PUS1: variants seen among roughly 807,000 people sequenced by gnomAD.
The protein encoded by PUS1 is pseudouridylate synthase 1 homolog.
A neutral mutation model predicts 38.5 loss-of-function variants in PUS1; 25 were observed. The observed-to-expected ratio is 0.65, with a 90% CI of 0.47 to 0.91. The LOEUF is 0.91. PUS1 is among the 40% of genes least tolerant of loss of function. PUS1 has a pLI of 0.00. For synonymous variants in PUS1, 282 were observed against 260.4 expected (o/e 1.08, Z -0.80); for missense variants, 597 against 612.3 (o/e 0.97, Z 0.26).
In PUS1 at chr12:131,929,755, C is replaced by T. The variant is rs1466911864; in HGVS notation, c.33C>T (p.Ala11=). The change falls in exon 1 of 6, where the codon GCC becomes GCT. Residue 11 remains alanine (A), a synonymous_variant. Transcript: ENST00000376649. The part of the protein sequence containing the change: MGLQLRALLG[A]FGRWTLRLGP... ...TCCAGCTTCGCGCGCTGTTGGGAGC[C>T]TTCGGACGGTGGACCCTGCGCCTGG... 3 of 1,592,782 alleles carry T rather than the reference C, an allele frequency of 1.9e-6. No homozygotes were observed. The highest frequency in any genetic ancestry group is 1.7e-6 in the Non-Finnish European group (2 of 1,176,910).
At position 131,941,575 on chromosome 12, in the gene PUS1, C is replaced by T. The variant is rs1891070627; in HGVS notation, c.828C>T (p.Gly276=). The T allele has an allele frequency of 6.2e-7, 1 of 1,614,050 alleles. No individual in the cohort carries two copies. The highest frequency in any genetic ancestry group is 2.2e-5 in the East Asian group (1 of 44,896). ...MYCEEPFVRE[G]LEFAVIRVKG... The stretch of plus-strand genomic sequence containing the variant: ...GCGAGGAACCCTTTGTGCGGGAGGG[C>T]CTGGAGTTTGCGGTGATCAGGGTGA... The change falls in exon 5 of 6, where the codon GGC becomes GGT. Residue 276 remains glycine (G), a synonymous_variant. Coordinates refer to ENST00000376649, the MANE Select transcript of PUS1 (RefSeq NM_025215.6). The surrounding 1 kb of genome is among the most constrained non-coding windows in gnomAD (Gnocchi z 4.4).
intron 3 of PUS1, among the ~76,000 whole-genome samples, chr12:131,934,011 C>T (rs1890720859): frequency 6.6e-6 from 1 of 152,184 alleles, no homozygotes; most frequent in Non-Finnish European, 1.5e-5. Flanking sequence ...GGACAGGGGT[C>T]CTTTCCCTTT....
chr12:131,929,830 C>T, intron 1 of PUS1, 34 bp downstream of exon 1: 1 of 935,620 alleles, frequency 1.1e-6, no homozygotes, highest in Non-Finnish European at 1.5e-6. Flanking sequence ...CCCCGCTATG[C>T]CCGCCCAGCC....
chr12:131,929,893 G>T lies in PUS1; in HGVS notation c.75-14G>T. The T allele has an allele frequency of 7.3e-6, 9 of 1,240,350 alleles. No individual in the cohort carries two copies. The highest frequency in any genetic ancestry group is 7.0e-5 in the East Asian group (1 of 14,210). 76.8% of individuals were successfully genotyped at this position (1,240,350 alleles called of 1,614,324 possible). A position where few individuals can be genotyped will look rare whatever the true frequency, so the allele number is the denominator to read the frequency against. On this transcript the variant is annotated splice_polypyrimidine_tract_variant and intron_variant, in intron 1 of 5. Coordinates refer to ENST00000376649, the MANE Select transcript of PUS1 (RefSeq NM_025215.6). The stretch of plus-strand genomic sequence containing the variant: ...TGCCGAGCGGGCCCCCGCTCACGCC[G>T]CCCTTCTCCGCAGCTCGCCGCGCAT...
rs767309304 is a variant in PUS1, at chr12:131,941,983, G to A, written c.1236G>A (p.Lys412=). ...TCACGGCAGGTGGCACGGGCGCCAAGGTAGGGGCACAGTCCCAGCAGTGCT... is the reference window on the plus strand; with the variant it reads ...TCACGGCAGGTGGCACGGGCGCCAAAGTAGGGGCACAGTCCCAGCAGTGCT... The part of the protein sequence containing the change: ...TALTAGGTGA[K]VPSPLEGSEG... Residue 412 remains lysine, a splice_region_variant and synonymous_variant, in exon 5 of 6, where the codon AAG becomes AAA. Coordinates refer to ENST00000376649, the MANE Select transcript of PUS1 (RefSeq NM_025215.6). This position sits in a 1 kb window ranked among gnomAD's most constrained non-coding sequence, Gnocchi z 4.4. 2 of 1,611,616 alleles carry A rather than the reference G, an allele frequency of 1.2e-6. No individual in the cohort carries two copies. The highest frequency in any genetic ancestry group is 1.7e-6 in the Non-Finnish European group (2 of 1,179,424).
chr12:131,931,981 C>T (rs933358837), intron 2 of PUS1, 194 bp from the exon 3 acceptor site: 2 of 680,562 alleles, frequency 2.9e-6, no homozygotes, highest in African/African-American at 3.5e-5. Context: ...CACCCCCTAG[C>T]ATGGAGCAGC....
In PUS1 at chr12:131,941,701, G is replaced by T. The variant is rs1891080013; in HGVS notation, c.954G>T (p.Trp318Cys). The T allele has an allele frequency of 1.2e-6, 2 of 1,614,198 alleles. No individual in the cohort carries two copies. The highest frequency in any genetic ancestry group is 1.7e-6 in the Non-Finnish European group (2 of 1,180,028). ...YAPESVLERSWGTEKVDVPKA... is the reference protein window; with the variant it reads ...YAPESVLERSCGTEKVDVPKA... Reference sequence around the variant, plus strand: ...CTGAGAGCGTGCTGGAGCGCAGCTGGGGCACAGAGAAGGTGGACGTGCCCA... The same window carrying T: ...CTGAGAGCGTGCTGGAGCGCAGCTGTGGCACAGAGAAGGTGGACGTGCCCA... Residue 318 changes from tryptophan (W) to cysteine (C), a missense_variant, in exon 5 of 6, where the codon TGG (tryptophan) becomes TGT (cysteine). By Grantham distance (215) the Trp-to-Cys change is radical (BLOSUM62 -2). Coordinates refer to ENST00000376649, the MANE Select transcript of PUS1 (RefSeq NM_025215.6). The surrounding 1 kb of genome is among the most constrained non-coding windows in gnomAD (Gnocchi z 4.4).
At chr12:131,929,821 C>T (rs760275545) in intron 1 of PUS1, 25 bp downstream of exon 1, 9 of 1,555,824 alleles carry the variant, frequency 5.8e-6, no homozygotes, top group Non-Finnish European at 2.6e-6. Context: ...GCCGGGCGAC[C>T]CCGCTATGCC....
chr12:131,942,843 T>C (rs1025570387), intron 5 of PUS1, among the ~76,000 whole-genome samples: 3 of 152,218 alleles, frequency 2.0e-5, no homozygotes, highest in African/African-American at 7.2e-5. Context: ...CAGATTCAAC[T>C]GTGTGCAGGC....
At chr12:131,942,031 G>A (rs1395322216) in intron 5 of PUS1, 48 bp downstream of exon 5, 12 of 1,510,590 alleles carry the variant, frequency 7.9e-6, no homozygotes, top group Non-Finnish European at 1.0e-5. Context: ...GGCCCACATT[G>A]TTCCCATTGT....
intron 2 of PUS1, chr12:131,931,849 A>C: frequency 1.7e-6 from 1 of 577,154 alleles, no homozygotes. Context: ...CTTTATAGTC[A>C]ATGTTTTTTT....
chr12:131,936,461 G>A (rs985555019), intron 3 of PUS1, among the ~76,000 whole-genome samples: 1 of 151,776 alleles, frequency 6.6e-6, no homozygotes, highest in Non-Finnish European at 1.5e-5. Context: ...TACTCAGTAG[G>A]CTGAGGCAGG....
At chr12:131,939,134 G>C in intron 3 of PUS1, 39 bp from the exon 4 acceptor site, 1 of 1,384,944 alleles carries the variant, frequency 7.2e-7, no homozygotes, top group Non-Finnish European at 1.0e-6. Flanking sequence ...CGAGGCCCAA[G>C]GGACCCACCT....
chr12:131,935,086 C>T (rs2136435900), intron 3 of PUS1, among the ~76,000 whole-genome samples: 1 of 145,000 alleles, frequency 6.9e-6, no homozygotes, highest in African/African-American at 2.5e-5. Flanking sequence ...TGGGTGAGAA[C>T]ACAAAGAGGG....
Position 131,941,391 on chromosome 12 carries a change from G to T in PUS1, c.644G>T (p.Arg215Leu). Residue 215 changes from arginine (R) to leucine (L), a missense_variant, in exon 5 of 6, where the codon CGG becomes CTG. Arg to Leu is a moderately radical substitution (Grantham distance 102). Coordinates refer to ENST00000376649, the MANE Select transcript of PUS1 (RefSeq NM_025215.6). This position sits in a 1 kb window ranked among gnomAD's most constrained non-coding sequence, Gnocchi z 4.4. ...LPTFAFAHKD[R>L]DVQDETYRLS... ...ACGTTTGCCTTTGCGCACAAGGACC[G>T]GGACGTTCAGGATGAGACCTACCGC... The T allele has an allele frequency of 1.2e-6, 2 of 1,614,224 alleles. No individual in the cohort carries two copies. Among genetic ancestry groups the T allele is most frequent in the Non-Finnish European group, 1.7e-6 (2 of 1,180,040 alleles).
rs1891193098 is a variant in PUS1, at chr12:131,943,878, CTTAGTCTTTTTT to C, written c.*293_*304del. Reference sequence around the variant, plus strand: ...TAGTCAATCCTTGGTTTGCCTTTTTCTTAGTCTTTTTTAACATTTTTTTCGTCCACAGAGATG... The same window carrying C: ...TAGTCAATCCTTGGTTTGCCTTTTTCAACATTTTTTTCGTCCACAGAGATG... On this transcript the variant is annotated 3_prime_UTR_variant, in exon 6 of 6. Transcript: ENST00000376649. 2 of 411,092 alleles carry C rather than the reference CTTAGTCTTTTTT, an allele frequency of 4.9e-6. No homozygotes were observed. The highest frequency in any genetic ancestry group is 1.0e-4 in the East Asian group (2 of 19,128). 25.5% of individuals were successfully genotyped at this position (411,092 alleles called of 1,614,324 possible). A position where few individuals can be genotyped will look rare whatever the true frequency, so the allele number is the denominator to read the frequency against.
At position 131,941,305 on chromosome 12, in the gene PUS1, C is replaced by T; in HGVS notation, c.558C>T (p.Val186=). ...SHIRILGLKR[V]TGGFNSKNRC... ...CCTCCCCCCTAGGACTGAAGCGGGT[C>T]ACGGGCGGGTTTAACTCCAAGAACA... Residue 186 remains valine, a synonymous_variant, in exon 5 of 6, where the codon GTC becomes GTT. Transcript: ENST00000376649. The surrounding 1 kb of genome is among the most constrained non-coding windows in gnomAD (Gnocchi z 4.4). 6.2e-7 allele frequency: 1 copy of T among 1,614,142 alleles called. No individual in the cohort carries two copies. Among genetic ancestry groups the T allele is most frequent in the Non-Finnish European group, 8.5e-7 (1 of 1,180,030 alleles).
intron 3 of PUS1, among the ~76,000 whole-genome samples, chr12:131,936,462 C>T (rs952673346): frequency 2.0e-5 from 3 of 151,616 alleles, no homozygotes; most frequent in African/African-American, 7.3e-5. Context: ...ACTCAGTAGG[C>T]TGAGGCAGGA....
intron 3 of PUS1, chr12:131,935,078 G>C (rs967292259): frequency 1.4e-5 from 2 of 147,478 alleles, no homozygotes; most frequent in African/African-American, 5.0e-5. Flanking sequence ...ACTCCTAGTG[G>C]GTGAGAACAC....
Sources: gnomAD v4.1 joint callset for allele counts (sites outside exome capture counted in the v4.1 genomes callset) on GRCh38, gnomAD v4.1.1 for gene constraint, Gnocchi (gnomAD v3.1) non-coding constraint, MANE v1.5 for transcripts, NCBI Gene and HGNC (gene_info 2026-07-23, HGNC 2026-07-21) for gene names.